Variants in ACADM observed in about 807,000 individuals in gnomAD.
ACADM encodes the protein acyl-CoA dehydrogenase medium chain, also known as medium-chain specific acyl-CoA dehydrogenase, mitochondrial.
A neutral mutation model predicts 58.9 loss-of-function variants in ACADM; 49 were observed. The observed-to-expected ratio is 0.83, with a 90% CI of 0.66 to 1.06. The LOEUF (loss-of-function observed/expected upper bound fraction) is 1.06, where lower values mean the gene tolerates loss of function less well. Ranked by LOEUF, ACADM falls within the 50% of genes least tolerant of loss-of-function variation. The pLI is 0.00. For missense variants in ACADM, 496 were observed against 507.0 expected (o/e 0.98, Z 0.21); for synonymous variants, 160 against 157.7 (o/e 1.01, Z -0.11).
At chr1:75,734,682 T>A (rs948180046) in intron 5 of ACADM, 109 bp from the exon 6 acceptor site, 41 of 847,110 alleles carry the variant, frequency 4.8e-5, no homozygotes, top group Non-Finnish European at 7.3e-5. Flanking sequence ...TCTTTGGACT[T>A]ACCTGTTAGG....
intron 10 of ACADM, among the ~76,000 whole-genome samples, chr1:75,760,307 A>T (rs1200018653): frequency 1.4e-5 from 2 of 145,924 alleles, no homozygotes; most frequent in Non-Finnish European, 3.0e-5. Context: ...GCACACGCCC[A>T]GCTACTCGGG....
At chr1:75,742,315 C>T (rs977250517) in intron 7 of ACADM, among the ~76,000 whole-genome samples, 6 of 152,220 alleles carry the variant, frequency 3.9e-5, no homozygotes, top group East Asian at 3.9e-4. Context: ...CCAGATCCAC[C>T]GGCAACACAT....
intron 10 of ACADM, among the ~76,000 whole-genome samples, chr1:75,753,871 A>G (rs920592383): frequency 1.5e-5 from 2 of 130,344 alleles, no homozygotes; most frequent in African/African-American, 6.0e-5. Context: ...ATCTCAGCTC[A>G]CTGCAACCAC....
At chr1:75,754,386 A>T (rs888333315) in intron 10 of ACADM, among the ~76,000 whole-genome samples, 1 of 150,820 alleles carries the variant, frequency 6.6e-6, no homozygotes, top group Non-Finnish European at 1.5e-5. Flanking sequence ...TTTCTTTTGT[A>T]CTTTTAGTAG....
At chr1:75,725,381 C>T (rs1327855440) in intron 1 of ACADM, among the ~76,000 whole-genome samples, 1 of 152,084 alleles carries the variant, frequency 6.6e-6, no homozygotes, top group Non-Finnish European at 1.5e-5. Flanking sequence ...ATGTTCACAC[C>T]ACTGCCATTT....
chr1:75,735,519 G>A (rs1647232609), intron 6 of ACADM, among the ~76,000 whole-genome samples: 1 of 151,974 alleles, frequency 6.6e-6, no homozygotes, highest in African/African-American at 2.4e-5. Flanking sequence ...TTGAATGTAG[G>A]GCAATGTGTG....
chr1:75,759,269 T>C (rs1345120071), intron 10 of ACADM, among the ~76,000 whole-genome samples: 2 of 152,224 alleles, frequency 1.3e-5, no homozygotes, highest in Non-Finnish European at 2.9e-5. Context: ...CCATTGGTCA[T>C]TGATGATTTA....
chr1:75,730,363 C>G (rs900684096), intron 2 of ACADM, among the ~76,000 whole-genome samples: 4 of 152,034 alleles, frequency 2.6e-5, no homozygotes, highest in Middle Eastern at 3.2e-3. Context: ...AAGTTCAATA[C>G]GGGTCTATTC....
chr1:75,760,686 C>T (rs1372790954), intron 10 of ACADM, among the ~76,000 whole-genome samples: 1 of 151,048 alleles, frequency 6.6e-6, no homozygotes, highest in Non-Finnish European at 1.5e-5. Flanking sequence ...ATTATAATAG[C>T]CTGGGAAAGA....
Position 75,743,728 on chromosome 1 carries a change from A to G in ACADM, c.600-2078A>G, listed in dbSNP as rs575775584. ...TTCATTCTTTCGGGCCTTCTCTCCCAGTTCAGTGATGGTCTGTTCAATATC... is the reference window on the plus strand; with the variant it reads ...TTCATTCTTTCGGGCCTTCTCTCCCGGTTCAGTGATGGTCTGTTCAATATC... On this transcript the variant is annotated intron_variant, in intron 7 of 11. Coordinates refer to ENST00000370841, the MANE Select transcript of ACADM (RefSeq NM_000016.6). The G allele has an allele frequency of 3.7e-5, 56 of 1,524,038 alleles. 1 individual carries two copies. The South Asian group carries it at 5.3e-4, about 14-fold the overall frequency. 94.4% of individuals were successfully genotyped at this position (1,524,038 alleles called of 1,614,324 possible). A position where few individuals can be genotyped will look rare whatever the true frequency, so the allele number is the denominator to read the frequency against.
At chr1:75,735,042 G>A (rs554077619) in intron 6 of ACADM, among the ~76,000 whole-genome samples, 171 bp downstream of exon 6, 36 of 152,238 alleles carry the variant, frequency 2.4e-4, no homozygotes, top group African/African-American at 4.1e-4. Context: ...ATAATAGGCC[G>A]AGGGCAATGG....
intron 7 of ACADM, among the ~76,000 whole-genome samples, chr1:75,742,194 A>C (rs1647612409): frequency 6.6e-6 from 1 of 150,970 alleles, no homozygotes; most frequent in Non-Finnish European, 1.5e-5. Context: ...CAAGATACAA[A>C]AAGGCACTCT....
chr1:75,734,747 C>T, intron 5 of ACADM, 44 bp from the exon 6 acceptor site: 1 of 1,415,220 alleles, frequency 7.1e-7, no homozygotes, highest in Non-Finnish European at 1.0e-6. Flanking sequence ...TTTACATATC[C>T]AATAAAAATG....
chr1:75,742,446 C>CA (rs1334969727), intron 7 of ACADM, among the ~76,000 whole-genome samples: 1 of 152,184 alleles, frequency 6.6e-6, no homozygotes, highest in African/African-American at 2.4e-5. Context: ...CCCACTATAA[C>CA]GCAGGAAGGA....
rs983016107 is a variant in ACADM at position 75,745,935 on chromosome 1, T to G, written c.708+21T>G. On this transcript the variant is annotated intron_variant, in intron 8 of 11. Transcript: ENST00000370841. Reference sequence around the variant, plus strand: ...GAAAGGTAAAGTATTTATTAATGATTAGGGCCCCAAATATTATTTTAATTA... The same window carrying G: ...GAAAGGTAAAGTATTTATTAATGATGAGGGCCCCAAATATTATTTTAATTA... 2.7e-6 allele frequency: 4 copies of G among 1,503,004 alleles called. No homozygotes were observed. The African/African-American group carries it at 5.5e-5, about 21-fold the overall frequency. 93.1% of individuals were successfully genotyped at this position (1,503,004 alleles called of 1,614,324 possible).
At chr1:75,731,456 T>C (rs1647148952) in intron 2 of ACADM, among the ~76,000 whole-genome samples, 1 of 152,138 alleles carries the variant, frequency 6.6e-6, no homozygotes, top group African/African-American at 2.4e-5. Flanking sequence ...TATTATCTCT[T>C]AAATTTTACC....
intron 1 of ACADM, among the ~76,000 whole-genome samples, chr1:75,728,021 G>A (rs1290835414): frequency 1.3e-5 from 2 of 152,088 alleles, no homozygotes; most frequent in East Asian, 1.9e-4. Context: ...AACACAGTAT[G>A]TTCACTTCCA....
intron 3 of ACADM, 43 bp from the exon 4 acceptor site, chr1:75,732,810 C>A: frequency 6.2e-7 from 1 of 1,605,656 alleles, no homozygotes. Context: ...ATCAAACTAT[C>A]TGGATTTCAA....
chr1:75,745,034 T>C (rs1647816409), intron 7 of ACADM, among the ~76,000 whole-genome samples: 1 of 152,236 alleles, frequency 6.6e-6, no homozygotes, highest in Non-Finnish European at 1.5e-5. Context: ...CCAGGACCCC[T>C]AATGGATGCC....
Sources: allele counts gnomAD v4.1 joint callset (sites outside exome capture counted in the v4.1 genomes callset), GRCh38; gene constraint gnomAD v4.1.1; transcripts MANE v1.5; gene names NCBI Gene and HGNC (gene_info 2026-07-23, HGNC 2026-07-21).